The following TEKT5 variants were observed in gnomAD, a reference collection of about 807,000 sequenced individuals.
TEKT5 encodes the protein tektin-5.
TEKT5 carries 52 observed loss-of-function variants against 48.7 expected under a neutral mutation model. That is an observed-to-expected ratio of 1.07 (90% CI 0.86 to 1.35). The LOEUF (loss-of-function observed/expected upper bound fraction) is 1.35, where lower values mean the gene tolerates loss of function less well. Ranked by LOEUF, TEKT5 falls within the 40% of genes most tolerant of loss-of-function variation. The pLI is 0.00. For missense variants in TEKT5, 831 were observed against 641.6 expected, an observed-to-expected ratio of 1.30 and a Z score of -3.19; for synonymous variants, 318 against 267.6, an observed-to-expected ratio of 1.19 and a Z score of -1.84.
intron 5 of TEKT5, among the ~76,000 whole-genome samples, chr16:10,666,568 C>G (rs1481425524): frequency 1.3e-5 from 2 of 152,212 alleles, no homozygotes; most frequent in East Asian, 1.9e-4. Context: ...CTGCCTTCAG[C>G]TGACAACCAC....
intron 5 of TEKT5, among the ~76,000 whole-genome samples, chr16:10,664,312 G>T (rs1354031043): frequency 6.6e-6 from 1 of 152,154 alleles, no homozygotes; most frequent in African/African-American, 2.4e-5. Flanking sequence ...GATAATTGTT[G>T]CATGTCTACA....
intron 1 of TEKT5, among the ~76,000 whole-genome samples, chr16:10,690,912 C>A (rs191661138): frequency 6.6e-6 from 1 of 152,170 alleles, no homozygotes. Flanking sequence ...GTCACTGACC[C>A]GTGCCACAAG....
At position 10,694,686 on chromosome 16, in the gene TEKT5, G is replaced by T; in HGVS notation, c.188C>A (p.Thr63Asn). The T allele has an allele frequency of 1.2e-6, 2 of 1,613,696 alleles. No individual in the cohort carries two copies. The highest frequency in any genetic ancestry group is 8.5e-7 in the Non-Finnish European group (1 of 1,179,730). ...SLFYKIANVQ[T>N]CPDESTSTLR... is the part of the protein sequence containing the mutation. ...GGTACTGGTGCTCTCGTCCGGGCAG[G>T]TCTGGACGTTGGCTATCTTGTAGAA... is the stretch of plus-strand genomic sequence containing the variant. Residue 63 changes from threonine to asparagine, a missense_variant, in exon 1 of 7, where the codon ACC (threonine) becomes AAC (asparagine). Transcript: ENST00000283025.
At position 10,669,459 on chromosome 16, in the gene TEKT5, C is replaced by CA. The variant is rs1174700816; in HGVS notation, c.1086+6499dup. ...GGGCAACAAAGAGAGACCCTGTCTC[C>CA]AAAAAAAAATTATAAAAGGGAGATT... On this transcript the variant is annotated intron_variant, in intron 5 of 6. Coordinates refer to ENST00000283025, the MANE Select transcript of TEKT5 (RefSeq NM_144674.2). Among the ~76,000 whole-genome samples, 8 of 150,098 alleles carry CA rather than the reference C, an allele frequency of 5.3e-5. 1 individual carries two copies. The highest frequency in any genetic ancestry group is 4.7e-4 in the Admixed American group (7 of 15,032).
At chr16:10,637,643 G>T (rs938457473) in intron 5 of TEKT5, among the ~76,000 whole-genome samples, 5 of 152,348 alleles carry the variant, frequency 3.3e-5, no homozygotes, top group Non-Finnish European at 7.3e-5. Context: ...TGATCTGAAG[G>T]TTTCACAGAT....
intron 2 of TEKT5, 106 bp downstream of exon 2, chr16:10,689,836 G>C: frequency 9.2e-7 from 1 of 1,087,136 alleles, no homozygotes; most frequent in Non-Finnish European, 1.4e-6. Context: ...TTTCCACACA[G>C]TGACACGTGT....
At chr16:10,665,336 C>T (rs1184343190) in intron 5 of TEKT5, among the ~76,000 whole-genome samples, 1 of 152,226 alleles carries the variant, frequency 6.6e-6, no homozygotes, top group East Asian at 1.9e-4. Flanking sequence ...CCAGTGATTG[C>T]CCTGCCCAGG....
At chr16:10,649,412 T>C (rs34222297) in intron 5 of TEKT5, among the ~76,000 whole-genome samples, 1 of 151,706 alleles carries the variant, frequency 6.6e-6, no homozygotes, top group Non-Finnish European at 1.5e-5. Context: ...CACTCCGCTG[T>C]GTCTCTTTTA....
intron 5 of TEKT5, among the ~76,000 whole-genome samples, chr16:10,663,021 A>G (rs962445131): frequency 5.3e-5 from 8 of 152,218 alleles, no homozygotes; most frequent in Non-Finnish European, 1.2e-4. Context: ...AGAAGCCGGA[A>G]GCAAATCTCC....
At chr16:10,666,998 T>TTTA (rs1898470023) in intron 5 of TEKT5, among the ~76,000 whole-genome samples, 1 of 127,642 alleles carries the variant, frequency 7.8e-6, no homozygotes, top group Non-Finnish European at 1.6e-5. Flanking sequence ...TTTTTTTTTT[T>TTTA]TTTGAGACAG....
At chr16:10,689,148 G>A in intron 3 of TEKT5, 105 bp downstream of exon 3, 1 of 816,106 alleles carries the variant, frequency 1.2e-6, no homozygotes, top group South Asian at 1.9e-5. Context: ...CTGACCAAAA[G>A]AACCACCCAG....
At chr16:10,653,055 G>C (rs1259486095) in intron 5 of TEKT5, among the ~76,000 whole-genome samples, 2 of 152,222 alleles carry the variant, frequency 1.3e-5, no homozygotes, top group Non-Finnish European at 2.9e-5. Context: ...CCCACTGCAG[G>C]TCCCCTCCCC....
At chr16:10,638,151 A>C (rs1179342511) in intron 5 of TEKT5, among the ~76,000 whole-genome samples, 1 of 152,022 alleles carries the variant, frequency 6.6e-6, no homozygotes, top group African/African-American at 2.4e-5. Context: ...TGTGTGTTTG[A>C]AACTTTCCAC....
intron 5 of TEKT5, among the ~76,000 whole-genome samples, chr16:10,640,063 T>C (rs1371074303): frequency 6.6e-6 from 1 of 151,282 alleles, no homozygotes; most frequent in East Asian, 1.9e-4. Context: ...TCCTCCTCCT[T>C]TTTCTTTCTC....
intron 5 of TEKT5, among the ~76,000 whole-genome samples, chr16:10,652,205 C>A (rs564075134): frequency 6.6e-6 from 1 of 152,160 alleles, no homozygotes; most frequent in East Asian, 1.9e-4. Flanking sequence ...AAGTATGGAA[C>A]CCCTTCACTG....
At chr16:10,661,613 A>G (rs908572234) in intron 5 of TEKT5, among the ~76,000 whole-genome samples, 1 of 152,202 alleles carries the variant, frequency 6.6e-6, no homozygotes, top group Admixed American at 6.5e-5. Context: ...GACAATTGCT[A>G]AAGAAACGAG....
intron 5 of TEKT5, among the ~76,000 whole-genome samples, chr16:10,649,918 C>G (rs879314526): frequency 3.3e-5 from 5 of 152,174 alleles, no homozygotes; most frequent in Non-Finnish European, 7.3e-5. Flanking sequence ...AGGGACCCTG[C>G]TCCTACGGAG....
intron 5 of TEKT5, among the ~76,000 whole-genome samples, chr16:10,662,430 C>T (rs529064865): frequency 1.3e-5 from 2 of 152,246 alleles, no homozygotes; most frequent in African/African-American, 4.8e-5. Flanking sequence ...GAGGCGGCCC[C>T]AGGTTGGGGA....
intron 6 of TEKT5, among the ~76,000 whole-genome samples, chr16:10,629,166 A>C (rs1184155320): frequency 1.3e-5 from 2 of 152,156 alleles, no homozygotes; most frequent in African/African-American, 4.8e-5. Context: ...AACATCACAG[A>C]ACTAGAGAGT....
Sources: allele counts gnomAD v4.1 joint callset (sites outside exome capture counted in the v4.1 genomes callset), GRCh38; gene constraint gnomAD v4.1.1; transcripts MANE v1.5; gene names NCBI Gene and HGNC (gene_info 2026-07-23, HGNC 2026-07-21).